ARL6IP5: variants seen among roughly 807,000 people sequenced by gnomAD.
ARL6IP5 encodes ARF like GTPase 6 interacting protein 5.
A neutral mutation model predicts 13.0 loss-of-function variants in ARL6IP5; 6 were observed. The observed-to-expected ratio is 0.46, with a 90% CI of 0.25 to 0.91. ARL6IP5 has a LOEUF of 0.91. Ranked by LOEUF, ARL6IP5 falls within the 40% of genes least tolerant of loss-of-function variation. The probability of loss-of-function intolerance (pLI) is 0.17; values close to 1 mark genes in which losing one functional copy is unlikely to be tolerated. For synonymous variants in ARL6IP5, 91 were observed against 91.9 expected, an observed-to-expected ratio of 0.99 and a Z score of 0.06; for missense variants, 208 against 248.8, an observed-to-expected ratio of 0.84 and a Z score of 1.10.
rs1553685748 is a variant in ARL6IP5, at chr3:69,093,772, A to AAG, written c.177-8066_177-8065insGA. Among the ~76,000 whole-genome samples the AAG allele has an allele frequency of 1.5e-3, 219 of 147,308 alleles. 5 individuals carry two copies. The South Asian group carries it at 0.043, about 29-fold the overall frequency. On this transcript the variant is annotated intron_variant, in intron 1 of 2. Coordinates refer to ENST00000273258, the MANE Select transcript of ARL6IP5 (RefSeq NM_006407.4). ...GGAGATTCTGTCTCAAAAAAAAAAA[A>AAG]AAAAGAAAAGAAAAGAAAAAAATTA...
chr3:69,102,001 C>T lies in ARL6IP5; in HGVS notation c.339C>T (p.Ile113=). The T allele has an allele frequency of 6.2e-7, 1 of 1,614,012 alleles. No individual in the cohort carries two copies. The highest frequency in any genetic ancestry group is 8.5e-7 in the Non-Finnish European group (1 of 1,180,018). The stretch of plus-strand genomic sequence containing the variant: ...TCATGTTGGCGAGCTATTTCCTTAT[C>T]TCCATGTTTGGAGGAGTCATGGTCT... The part of the protein sequence containing the change: ...MVVMLASYFL[I]SMFGGVMVFV... The change falls in exon 2 of 3, where the codon ATC becomes ATT. Residue 113 remains isoleucine (I), a synonymous_variant. Transcript: ENST00000273258.
In ARL6IP5 at chr3:69,084,949, G is replaced by A; in HGVS notation, c.-99G>A. On this transcript the variant is annotated 5_prime_UTR_variant, in exon 1 of 3. Transcript: ENST00000273258. ...CTGTCTGCCAACCGCAAAGCCGACC[G>A]AGACGGAGCCGCTGTCAACTCTCCA... The A allele has an allele frequency of 1.4e-6, 2 of 1,472,144 alleles. No homozygotes were observed. The highest frequency in any genetic ancestry group is 1.8e-6 in the Non-Finnish European group (2 of 1,096,710). 91.2% of individuals were successfully genotyped at this position (1,472,144 alleles called of 1,614,324 possible).
At chr3:69,101,237 A>G (rs1255498421) in intron 1 of ARL6IP5, among the ~76,000 whole-genome samples, 1 of 151,964 alleles carries the variant, frequency 6.6e-6, no homozygotes, top group Admixed American at 6.6e-5. Context: ...TACCTTCAAA[A>G]GAAGTTTTAG....
chr3:69,086,399 GGA>G (rs2092247504), intron 1 of ARL6IP5, among the ~76,000 whole-genome samples: 1 of 152,238 alleles, frequency 6.6e-6, no homozygotes, highest in Non-Finnish European at 1.5e-5. Flanking sequence ...ACAGCACAGA[GGA>G]GAGGGGGAGA....
chr3:69,088,750 G>A (rs750491064), intron 1 of ARL6IP5, among the ~76,000 whole-genome samples: 9 of 152,192 alleles, frequency 5.9e-5, no homozygotes, highest in Non-Finnish European at 7.3e-5. Context: ...GTCTAAGATC[G>A]AAGTTGCCAT....
chr3:69,102,183 A>G, intron 2 of ARL6IP5, 127 bp downstream of exon 2: 3 of 1,000,218 alleles, frequency 3.0e-6, no homozygotes, highest in East Asian at 5.2e-5. Context: ...TTTCTAAAAC[A>G]GCTTTCTACT....
intron 1 of ARL6IP5, among the ~76,000 whole-genome samples, chr3:69,101,466 G>A (rs77482483): frequency 6.6e-6 from 1 of 151,754 alleles, no homozygotes; most frequent in Non-Finnish European, 1.5e-5. Context: ...GGGAACACAG[G>A]TGTGTGCCAC....
chr3:69,097,440 G>A (rs1323576847), intron 1 of ARL6IP5, among the ~76,000 whole-genome samples: 3 of 151,728 alleles, frequency 2.0e-5, no homozygotes, highest in African/African-American at 7.3e-5. Context: ...GCTTCCCAGA[G>A]TGCTGGGATT....
intron 2 of ARL6IP5, among the ~76,000 whole-genome samples, chr3:69,102,751 CTATT>C (rs1307672461): frequency 1.3e-5 from 2 of 152,188 alleles, no homozygotes; most frequent in African/African-American, 2.4e-5. Flanking sequence ...TGGAAGTAGA[CTATT>C]TATTCTCCAC....
chr3:69,091,309 T>A lies in ARL6IP5; in HGVS notation c.176+6086T>A, dbSNP rs2092265234. On this transcript the variant is annotated intron_variant, in intron 1 of 2. Coordinates refer to ENST00000273258, the MANE Select transcript of ARL6IP5 (RefSeq NM_006407.4). ...TGTATATACATACATATATATATAT[T>A]TTGAGACAGGGTTTCACTCTATTGC... Among the ~76,000 whole-genome samples the A allele has an allele frequency of 2.0e-5, 3 of 152,128 alleles. No homozygotes were observed. In the South Asian group the frequency reaches 6.2e-4, roughly 32 times the overall value.
intron 1 of ARL6IP5, among the ~76,000 whole-genome samples, chr3:69,091,642 C>A (rs922751860): frequency 6.7e-6 from 1 of 150,340 alleles, no homozygotes; most frequent in African/African-American, 2.5e-5. Context: ...CTTCTCTCCC[C>A]TCTCCGTCCA....
chr3:69,090,043 G>T lies in ARL6IP5; in HGVS notation c.176+4820G>T, dbSNP rs1458013702. 10 of 348,010 alleles carry T rather than the reference G, an allele frequency of 2.9e-5. No homozygotes were observed. The Admixed American group carries it at 3.4e-4, about 12-fold the overall frequency. The allele number at this position is 348,010 out of a possible 1,614,324, so 21.6% of individuals were successfully genotyped here. ...TTTTCAAAATGAACGTGGCTTGGTG[G>T]CTCTGTAATATGTTCTAGGCCTGTG... is the stretch of plus-strand genomic sequence containing the variant. On this transcript the variant is annotated intron_variant, in intron 1 of 2. Coordinates refer to ENST00000273258, the MANE Select transcript of ARL6IP5 (RefSeq NM_006407.4).
intron 1 of ARL6IP5, chr3:69,090,002 C>G: frequency 2.6e-6 from 1 of 382,850 alleles, no homozygotes; most frequent in Non-Finnish European, 5.1e-6. Context: ...AGTTTGAAAA[C>G]AGCATTAATG....
In ARL6IP5 at chr3:69,104,695, A is replaced by G. The variant is rs2092317084; in HGVS notation, c.*59A>G. 18 of 1,585,246 alleles carry G rather than the reference A, an allele frequency of 1.1e-5. No individual in the cohort carries two copies. The highest frequency in any genetic ancestry group is 1.6e-5 in the Non-Finnish European group (18 of 1,160,380). ...ATTGAGTTGCAGCTTGCCCTTGTCC[A>G]GACCTATGTTCTGCTTGCGTTTTTG... On this transcript the variant is annotated 3_prime_UTR_variant, in exon 3 of 3. Coordinates refer to ENST00000273258, the MANE Select transcript of ARL6IP5 (RefSeq NM_006407.4).
At chr3:69,101,049 G>A (rs2092303728) in intron 1 of ARL6IP5, among the ~76,000 whole-genome samples, 1 of 151,970 alleles carries the variant, frequency 6.6e-6, no homozygotes, top group South Asian at 2.1e-4. Context: ...TTAAAACACT[G>A]TACAGGCCAA....
chr3:69,087,413 C>G (rs1294699096), intron 1 of ARL6IP5, among the ~76,000 whole-genome samples: 1 of 151,514 alleles, frequency 6.6e-6, no homozygotes, highest in Non-Finnish European at 1.5e-5. Flanking sequence ...ATCTGGTGAT[C>G]TAGTTATGGA....
At chr3:69,096,568 TG>T (rs2092287711) in intron 1 of ARL6IP5, among the ~76,000 whole-genome samples, 1 of 151,884 alleles carries the variant, frequency 6.6e-6, no homozygotes, top group East Asian at 1.9e-4. Context: ...TTGAGTTCTT[TG>T]TGTTGATTTG....
intron 1 of ARL6IP5, among the ~76,000 whole-genome samples, chr3:69,089,650 A>G (rs993424100): frequency 6.6e-6 from 1 of 151,820 alleles, no homozygotes; most frequent in African/African-American, 2.4e-5. Flanking sequence ...AAAAAAAAAA[A>G]AAAAAAATTA....
intron 1 of ARL6IP5, among the ~76,000 whole-genome samples, chr3:69,090,728 A>G (rs2092262680): frequency 6.6e-6 from 1 of 152,198 alleles, no homozygotes; most frequent in Admixed American, 6.5e-5. Flanking sequence ...CTGAGGATAC[A>G]GTCAGGAGTA....
Sources: allele counts gnomAD v4.1 joint callset (sites outside exome capture counted in the v4.1 genomes callset), GRCh38; gene constraint gnomAD v4.1.1; transcripts MANE v1.5; gene names NCBI Gene and HGNC (gene_info 2026-07-23, HGNC 2026-07-21).